The following EPHA6 variants were observed in gnomAD, a reference collection of about 807,000 sequenced individuals.
The protein encoded by EPHA6 is ephrin type-A receptor 6.
EPHA6 carries 50 observed loss-of-function variants against 112.0 expected under a neutral mutation model. The observed-to-expected ratio is 0.45, with a 90% CI of 0.36 to 0.56. The LOEUF (loss-of-function observed/expected upper bound fraction) is 0.56, where lower values mean the gene tolerates loss of function less well. Among genes scored for constraint, EPHA6 ranks in the 20% least tolerant of loss-of-function variants. EPHA6 has a pLI of 0.00. For synonymous variants in EPHA6, 529 were observed against 490.7 expected (o/e 1.08, Z -1.03); for missense variants, 1,280 against 1,417.4 (o/e 0.90, Z 1.56).
At chr3:97,311,897 C>A (rs956125256) in intron 5 of EPHA6, among the ~76,000 whole-genome samples, 2 of 151,456 alleles carry the variant, frequency 1.3e-5, no homozygotes, top group Admixed American at 1.3e-4. Context: ...TGAGAATACA[C>A]CGGATTTATA....
At chr3:97,257,914 G>T (rs753305258) in intron 5 of EPHA6, among the ~76,000 whole-genome samples, 3 of 151,964 alleles carry the variant, frequency 2.0e-5, no homozygotes, top group Non-Finnish European at 4.4e-5. Context: ...TGTGACAATT[G>T]ATGTACACAC....
intron 5 of EPHA6, among the ~76,000 whole-genome samples, chr3:97,392,519 AT>A (rs979068600): frequency 7.3e-5 from 11 of 151,566 alleles, no homozygotes; most frequent in Admixed American, 2.6e-4. Flanking sequence ...TGTCATACAT[AT>A]TTTTTTGTAA....
chr3:97,547,191 T>G (rs1212016368), intron 11 of EPHA6, among the ~76,000 whole-genome samples: 2 of 152,214 alleles, frequency 1.3e-5, no homozygotes, highest in Non-Finnish European at 2.9e-5. Context: ...CCCATCTTTG[T>G]GGTTTTATCT....
intron 10 of EPHA6, among the ~76,000 whole-genome samples, chr3:97,529,448 A>G (rs1399771702): frequency 6.6e-6 from 1 of 152,106 alleles, no homozygotes; most frequent in East Asian, 1.9e-4. Context: ...AAAAAAAGGT[A>G]ATTAATACAG....
intron 12 of EPHA6, among the ~76,000 whole-genome samples, chr3:97,598,423 A>G (rs1489484095): frequency 3.3e-5 from 2 of 61,458 alleles, no homozygotes; most frequent in African/African-American, 1.3e-4. Flanking sequence ...CCCTCCCCCC[A>G]CCCCACCACA....
chr3:97,090,516 T>A (rs1490672378), intron 3 of EPHA6, among the ~76,000 whole-genome samples: 13 of 152,076 alleles, frequency 8.5e-5, no homozygotes, highest in Non-Finnish European at 1.8e-4. Flanking sequence ...TTATAGCACA[T>A]AAGATTTGAA....
chr3:96,984,759 T>A (rs953120439), intron 2 of EPHA6, among the ~76,000 whole-genome samples: 1 of 152,054 alleles, frequency 6.6e-6, no homozygotes, highest in Non-Finnish European at 1.5e-5. Context: ...ATGGTGGGCG[T>A]CCCTCCCCCA....
intron 3 of EPHA6, among the ~76,000 whole-genome samples, chr3:97,072,814 C>T (rs991321269): frequency 6.6e-6 from 1 of 152,216 alleles, no homozygotes; most frequent in Admixed American, 6.6e-5. Flanking sequence ...CATAGGTTAA[C>T]TTTTTGCCTG....
At position 97,010,115 on chromosome 3, in the gene EPHA6, G is replaced by A. The variant is rs146568911; in HGVS notation, c.1114+22122G>A. On this transcript the variant is annotated intron_variant, in intron 3 of 17. Coordinates refer to ENST00000389672, the MANE Select transcript of EPHA6 (RefSeq NM_001080448.3). ...GAGTAGCATTACTAAAATATTAAAC[G>A]GTTACATTTACAGCCAAAATTTGTT... is the stretch of plus-strand genomic sequence containing the variant. 15 of 1,256,256 alleles carry A rather than the reference G, an allele frequency of 1.2e-5. No homozygotes were observed. In the East Asian group the frequency reaches 4.8e-4, roughly 40 times the overall value. The allele number at this position is 1,256,256 out of a possible 1,614,324, so 77.8% of individuals were successfully genotyped here. A position where few individuals can be genotyped will look rare whatever the true frequency, so the allele number is the denominator to read the frequency against.
chr3:97,711,224 A>G (rs1395462678), intron 14 of EPHA6, among the ~76,000 whole-genome samples: 2 of 152,074 alleles, frequency 1.3e-5, no homozygotes, highest in Non-Finnish European at 2.9e-5. Flanking sequence ...GCTGCCATCC[A>G]TGTAAGACGT....
At chr3:97,554,748 A>G (rs1343518575) in intron 11 of EPHA6, among the ~76,000 whole-genome samples, 2 of 151,946 alleles carry the variant, frequency 1.3e-5, no homozygotes, top group Admixed American at 6.6e-5. Context: ...GTACTTGAGA[A>G]CAGACACAAG....
intron 13 of EPHA6, among the ~76,000 whole-genome samples, chr3:97,622,904 T>C (rs557754875): frequency 6.6e-6 from 1 of 151,960 alleles, no homozygotes; most frequent in Admixed American, 6.6e-5. Flanking sequence ...ATATCTACTT[T>C]ATAAAAGTAT....
intron 2 of EPHA6, among the ~76,000 whole-genome samples, chr3:96,932,567 T>G (rs2040379393): frequency 6.6e-6 from 1 of 152,236 alleles, no homozygotes; most frequent in South Asian, 2.1e-4. Flanking sequence ...CTGCAGGATT[T>G]AGAAGACATT....
At chr3:97,244,495 A>C (rs1283590607) in intron 5 of EPHA6, 1 of 557,592 alleles carries the variant, frequency 1.8e-6, no homozygotes, top group Non-Finnish European at 3.2e-6. Flanking sequence ...TAATAAGATG[A>C]AATGCTTCCC....
At chr3:97,473,451 C>A (rs2107453498) in intron 7 of EPHA6, among the ~76,000 whole-genome samples, 1 of 151,774 alleles carries the variant, frequency 6.6e-6, no homozygotes, top group African/African-American at 2.4e-5. Flanking sequence ...TTTTTTATAA[C>A]AAAGTAATCT....
intron 3 of EPHA6, among the ~76,000 whole-genome samples, chr3:97,095,367 A>G (rs11914950): frequency 0.21 from 31,497 of 151,680 alleles, 4,078 homozygotes; most frequent in African/African-American, 0.36. Flanking sequence ...TGAGTTAATG[A>G]GTGCAGCACA....
At chr3:96,858,197 G>A (rs2035808860) in intron 1 of EPHA6, among the ~76,000 whole-genome samples, 1 of 152,036 alleles carries the variant, frequency 6.6e-6, no homozygotes, top group Non-Finnish European at 1.5e-5. Context: ...ATTTTTTTGT[G>A]TTACTCTTCT....
Position 97,198,152 on chromosome 3 carries a change from G to C in EPHA6, c.1115-28112G>C, listed in dbSNP as rs547368477. 1.6e-4 allele frequency among the ~76,000 whole-genome samples: 25 copies of C among 152,118 alleles called. No individual in the cohort carries two copies. In the South Asian group the frequency reaches 5.0e-3, roughly 30 times the overall value. On this transcript the variant is annotated intron_variant, in intron 3 of 17. Coordinates refer to ENST00000389672, the MANE Select transcript of EPHA6 (RefSeq NM_001080448.3). ...TACTATGGTCACTCACCTGATTTTT[G>C]TTCCTCCAAAGATGTTTTCTTGTGT...
intron 11 of EPHA6, among the ~76,000 whole-genome samples, chr3:97,556,931 C>G (rs1474882157): frequency 2.0e-5 from 3 of 151,944 alleles, no homozygotes; most frequent in Non-Finnish European, 4.4e-5. Context: ...TCTGCTAAAA[C>G]TGTGTTATTT....
Sources: allele counts gnomAD v4.1 joint callset (sites outside exome capture counted in the v4.1 genomes callset), GRCh38; gene constraint gnomAD v4.1.1; transcripts MANE v1.5; gene names NCBI Gene and HGNC (gene_info 2026-07-23, HGNC 2026-07-21).